The following MICAL3 variants were observed in gnomAD, a reference collection of about 807,000 sequenced individuals.
MICAL3 encodes the protein [F-actin]-monooxygenase MICAL3.
Under a neutral mutation model 207.4 loss-of-function variants are expected in MICAL3, and 62 were observed. The observed-to-expected ratio is 0.30, with a 90% confidence interval of 0.24 to 0.37. The LOEUF is 0.37. MICAL3 is among the 10% of genes least tolerant of loss of function. MICAL3 has a pLI of 1.00. For missense variants in MICAL3, 2,368 were observed against 2,635.6 expected (o/e 0.90, Z 2.22); for synonymous variants, 1,077 against 1,069.3 (o/e 1.01, Z -0.14).
At chr22:17,804,721 C>T (rs1013103892) in intron 29 of MICAL3, among the ~76,000 whole-genome samples, 5 of 152,174 alleles carry the variant, frequency 3.3e-5, no homozygotes, top group East Asian at 1.9e-4. Context: ...AGCACTCGGC[C>T]GCCATGGTGT....
chr22:17,960,927 G>A (rs998765633), intron 1 of MICAL3, among the ~76,000 whole-genome samples: 4 of 152,142 alleles, frequency 2.6e-5, no homozygotes, highest in South Asian at 2.1e-4. Flanking sequence ...AGGTGAGCAG[G>A]GCAACGAGAC....
chr22:17,954,696 G>A (rs1934526063), intron 1 of MICAL3, among the ~76,000 whole-genome samples: 1 of 151,886 alleles, frequency 6.6e-6, no homozygotes, highest in African/African-American at 2.4e-5. Context: ...CAGAATCTCA[G>A]TGTGGTTAAG....
intron 1 of MICAL3, among the ~76,000 whole-genome samples, chr22:17,945,546 A>G (rs1602265999): frequency 6.6e-6 from 1 of 152,136 alleles, no homozygotes; most frequent in East Asian, 1.9e-4. Context: ...CCCAAGTAAA[A>G]CAGCAGGATT....
chr22:17,877,197 AGGGAGG>A (rs1928710391), intron 16 of MICAL3, among the ~76,000 whole-genome samples: 1 of 106,394 alleles, frequency 9.4e-6, no homozygotes, highest in Non-Finnish European at 1.9e-5. Flanking sequence ...TATGGAGGTT[AGGGAGG>A]TTATGGAGGT....
intron 1 of MICAL3, among the ~76,000 whole-genome samples, chr22:17,953,930 CAAA>C (rs59740388): frequency 6.9e-5 from 6 of 86,514 alleles, no homozygotes; most frequent in African/African-American, 1.6e-4. Flanking sequence ...GACTCCATCT[CAAA>C]AAAAAAAAAA....
intron 1 of MICAL3, among the ~76,000 whole-genome samples, chr22:17,948,227 G>A (rs896620473): frequency 3.3e-5 from 5 of 152,224 alleles, no homozygotes; most frequent in Admixed American, 6.5e-5. Flanking sequence ...ACAGCAATCT[G>A]CAAGTGCCCC....
chr22:18,019,264 T>A lies in MICAL3; in HGVS notation c.-75+5017A>T, dbSNP rs1247896452. 5 of 153,638 alleles carry A rather than the reference T, an allele frequency of 3.3e-5. No individual in the cohort carries two copies. The East Asian group carries it at 9.6e-4, about 30-fold the overall frequency. The allele number at this position is 153,638 out of a possible 1,614,324, so 9.5% of individuals were successfully genotyped here. On this transcript the variant is annotated intron_variant, in intron 1 of 31. Transcript: ENST00000441493. The stretch of plus-strand genomic sequence containing the variant: ...AGACAAACTCCATAGACATTAATGG[T>A]TGTATTATTGTGTATTCTGCCACAT...
At chr22:17,995,491 ATTTTTTTTT>A (rs138357470) in intron 1 of MICAL3, among the ~76,000 whole-genome samples, 6 of 77,594 alleles carry the variant, frequency 7.7e-5, no homozygotes, top group Non-Finnish European at 1.2e-4. Context: ...CTTTTCTTTA[ATTTTTTTTT>A]TTTTTTTTTT....
chr22:17,959,995 A>G (rs1202754406), intron 1 of MICAL3, among the ~76,000 whole-genome samples: 2 of 152,232 alleles, frequency 1.3e-5, no homozygotes, highest in African/African-American at 4.8e-5. Context: ...CTCTGTAAGC[A>G]AAGAGCACTT....
intron 1 of MICAL3, among the ~76,000 whole-genome samples, chr22:18,008,154 C>T (rs984888371): frequency 1.3e-5 from 2 of 151,934 alleles, no homozygotes; most frequent in African/African-American, 4.8e-5. Context: ...GCAGGAGAAT[C>T]GCTTGAACCC....
chr22:17,960,211 T>G (rs192017793), intron 1 of MICAL3, among the ~76,000 whole-genome samples: 1 of 152,250 alleles, frequency 6.6e-6, no homozygotes, highest in East Asian at 1.9e-4. Flanking sequence ...TCATGGGTGC[T>G]GTTCTCACTA....
intron 1 of MICAL3, among the ~76,000 whole-genome samples, chr22:17,927,235 T>A (rs1932964340): frequency 6.6e-6 from 1 of 152,222 alleles, no homozygotes; most frequent in Non-Finnish European, 1.5e-5. Context: ...TCAAGGTTCA[T>A]CCACATTGTA....
intron 1 of MICAL3, among the ~76,000 whole-genome samples, chr22:17,908,342 T>C (rs940279926): frequency 6.6e-6 from 1 of 152,008 alleles, no homozygotes; most frequent in Non-Finnish European, 1.5e-5. Flanking sequence ...GAGTCTCGCT[T>C]TGTTGCCCAG....
chr22:17,876,265 G>A (rs1377155963), intron 16 of MICAL3: 2 of 152,248 alleles, frequency 1.3e-5, no homozygotes, highest in Admixed American at 6.5e-5. Context: ...GGCAGTGACC[G>A]AAAGCTTTGG....
chr22:18,000,021 G>A (rs940785696), intron 1 of MICAL3, among the ~76,000 whole-genome samples: 22 of 152,218 alleles, frequency 1.4e-4, no homozygotes, highest in African/African-American at 4.8e-4. Flanking sequence ...TAACCACAAT[G>A]AACTGGCCTG....
chr22:17,834,623 G>A (rs914313640), intron 20 of MICAL3: 14 of 1,082,478 alleles, frequency 1.3e-5, no homozygotes, highest in East Asian at 9.5e-5. Context: ...AAAGGTGTAC[G>A]CACATCATGC....
At chr22:17,882,962 C>T (rs1929569529) in intron 16 of MICAL3, among the ~76,000 whole-genome samples, 1 of 152,180 alleles carries the variant, frequency 6.6e-6, no homozygotes, top group South Asian at 2.1e-4. Context: ...CTTCTGGCGG[C>T]CCCTCAGTGC....
chr22:17,892,374 T>C lies in MICAL3; in HGVS notation c.1547-742A>G, dbSNP rs553767026. On this transcript the variant is annotated intron_variant, in intron 11 of 31. Coordinates refer to ENST00000441493, the MANE Select transcript of MICAL3 (RefSeq NM_015241.3). ...ATCAGAAGAGCTCTGATATCGGCCA[T>C]TCAAAAGAATCTATGAACTATTTAT... Among the ~76,000 whole-genome samples, 20 of 152,358 alleles carry C rather than the reference T, an allele frequency of 1.3e-4. No individual in the cohort carries two copies. In the East Asian group the frequency reaches 3.9e-3, roughly 29 times the overall value.
intron 16 of MICAL3, among the ~76,000 whole-genome samples, chr22:17,883,693 C>T (rs1427648393): frequency 1.3e-5 from 2 of 152,194 alleles, no homozygotes; most frequent in Non-Finnish European, 2.9e-5. Flanking sequence ...TTAGGATAAG[C>T]AGTTTTCCAG....
Sources: allele counts gnomAD v4.1 joint callset (sites outside exome capture counted in the v4.1 genomes callset), GRCh38; gene constraint gnomAD v4.1.1; transcripts MANE v1.5; gene names NCBI Gene and HGNC (gene_info 2026-07-23, HGNC 2026-07-21).